MTMR4: variants seen among roughly 807,000 people sequenced by gnomAD.
The protein encoded by MTMR4 is myotubularin related protein 4.
MTMR4 carries 30 observed loss-of-function variants against 125.5 expected under a neutral mutation model. That is an observed-to-expected ratio of 0.24 (90% CI 0.18 to 0.32). The LOEUF (loss-of-function observed/expected upper bound fraction) is 0.32, where lower values mean the gene tolerates loss of function less well. Among genes scored for constraint, MTMR4 ranks in the 10% least tolerant of loss-of-function variants. The pLI is 1.00. For missense variants in MTMR4, 1,039 were observed against 1,511.5 expected, an observed-to-expected ratio of 0.69 and a Z score of 5.18; for synonymous variants, 498 against 564.5, an observed-to-expected ratio of 0.88 and a Z score of 1.67.
In MTMR4 at chr17:58,504,265, T is replaced by A; in HGVS notation, c.1527+38A>T. ...TGCACCTGGGGGCCTCGGGCTGTCA[T>A]TCCCCCCATCCCTGTTGTCACAGGC... On this transcript the variant is annotated intron_variant, in intron 12 of 17. Transcript: ENST00000682306. This position sits in a 1 kb window ranked among gnomAD's most constrained non-coding sequence, Gnocchi z 7.1. 6.2e-7 allele frequency: 1 copy of A among 1,604,526 alleles called. No homozygotes were observed. Among genetic ancestry groups the A allele is most frequent in the Non-Finnish European group, 8.5e-7 (1 of 1,172,126 alleles).
chr17:58,498,400 A>T (rs1439250552), intron 14 of MTMR4, among the ~76,000 whole-genome samples: 1 of 151,318 alleles, frequency 6.6e-6, no homozygotes, highest in African/African-American at 2.4e-5. Context: ...AAGGAGAGAG[A>T]GCTCATCCAG....
At chr17:58,516,826 AAGTC>A (rs1465690783), upstream of MTMR4, among the ~76,000 whole-genome samples, 1 of 152,252 alleles carries the variant, frequency 6.6e-6, no homozygotes, top group Non-Finnish European at 1.5e-5. Flanking sequence ...GCAGGGCATG[AAGTC>A]AGCCACGAAG....
At chr17:58,494,820 A>G in intron 15 of MTMR4, 112 bp downstream of exon 15, 1 of 929,430 alleles carries the variant, frequency 1.1e-6, no homozygotes, top group Admixed American at 2.6e-5. Context: ...CCTATAGCCC[A>G]GGCACCTAAC....
Position 58,512,569 on chromosome 17 carries a change from C to A in MTMR4, c.136-63G>T. ...GTGACCACCTTATCCTCTTCTACAG[C>A]CCCTGATCTGTGGGATCCCCTCTGG... On this transcript the variant is annotated intron_variant, in intron 2 of 17. Transcript: ENST00000682306. This position sits in a 1 kb window ranked among gnomAD's most constrained non-coding sequence, Gnocchi z 4.1. 1 of 1,331,988 alleles carries A rather than the reference C, an allele frequency of 7.5e-7. No homozygotes were observed. The highest frequency in any genetic ancestry group is 1.1e-6 in the Non-Finnish European group (1 of 927,926). The allele number at this position is 1,331,988 out of a possible 1,614,324, so 82.5% of individuals were successfully genotyped here. A position where few individuals can be genotyped will look rare whatever the true frequency, so the allele number is the denominator to read the frequency against.
rs748667031 is a variant in MTMR4 at position 58,505,517 on chromosome 17, A to C, written c.1100T>G (p.Phe367Cys). 1 of 1,613,230 alleles carries C rather than the reference A, an allele frequency of 6.2e-7. No individual in the cohort carries two copies. Among genetic ancestry groups the C allele is most frequent in the Middle Eastern group, 1.7e-4 (1 of 6,056 alleles). ...GCTACACACAGCCCGGAGGTACTGA[A>C]AGCTGTTCCGGATGGCATGGATGTT... ...MANIHAIRNSFQYLRAVCSQM... is the reference protein window; with the variant it reads ...MANIHAIRNSCQYLRAVCSQM... Residue 367 changes from phenylalanine (F) to cysteine (C), a missense_variant, in exon 10 of 18, where the codon TTT (phenylalanine) becomes TGT (cysteine). Phe to Cys is a radical substitution (Grantham distance 205, BLOSUM62 -2). This residue lies in a region of MTMR4 where 107 missense variants were observed against 267.4 expected (regional missense o/e 0.40). Transcript: ENST00000682306.
At position 58,508,327 on chromosome 17, in the gene MTMR4, C is replaced by A. The variant is rs1975830632; in HGVS notation, c.594-53G>T. ...GCACTGGGTCTAAAACATGTGATGA[C>A]AGGATCCCTGGGGATGGCTTTGTGG... is the stretch of plus-strand genomic sequence containing the variant. On this transcript the variant is annotated intron_variant, in intron 6 of 17. Coordinates refer to ENST00000682306, the MANE Select transcript of MTMR4 (RefSeq NM_001378067.1). The surrounding 1 kb of genome is among the most constrained non-coding windows in gnomAD (Gnocchi z 4.8). 1.3e-6 allele frequency: 2 copies of A among 1,575,762 alleles called. No individual in the cohort carries two copies. Among genetic ancestry groups the A allele is most frequent in the Non-Finnish European group, 1.7e-6 (2 of 1,145,494 alleles).
chr17:58,504,093 T>C lies in MTMR4; in HGVS notation c.1655A>G (p.Asn552Ser), dbSNP rs776436014. The C allele has an allele frequency of 2.1e-5, 33 of 1,585,546 alleles. No homozygotes were observed. The highest frequency in any genetic ancestry group is 5.4e-5 in the African/African-American group (4 of 73,440). The change falls in exon 13 of 18, where the codon AAT becomes AGT. Residue 552 changes from asparagine (N) to serine (S), a missense_variant. Around this residue, in one of 6 missense-constraint regions of MTMR4, gnomAD observed 619 missense variants for 714.5 expected, o/e 0.87. Transcript: ENST00000682306. The surrounding 1 kb of genome is among the most constrained non-coding windows in gnomAD (Gnocchi z 7.1). ...GTAGAGGAAGTTATGAAAGTTTTTA[T>C]TGCCAGCTCGAAGGAGCGCCCACAC... ...CSVWALLRAGNKNFHNFLYTP... is the reference protein window; with the variant it reads ...CSVWALLRAGSKNFHNFLYTP...
chr17:58,513,448 C>G (rs1350429621), intron 1 of MTMR4, among the ~76,000 whole-genome samples: 3 of 152,058 alleles, frequency 2.0e-5, no homozygotes, highest in Non-Finnish European at 4.4e-5. Context: ...TCCCACGCCT[C>G]TAGAGGGCCT....
At chr17:58,509,481 C>T (rs1012920161) in intron 4 of MTMR4, among the ~76,000 whole-genome samples, 5 of 149,200 alleles carry the variant, frequency 3.4e-5, no homozygotes, top group East Asian at 3.9e-4. Flanking sequence ...TGTAGTGGCA[C>T]GATCACAGCT....
Position 58,496,021 on chromosome 17 carries a change from G to A in MTMR4, c.2163C>T (p.Thr721=), listed in dbSNP as rs748294907. The stretch of plus-strand genomic sequence containing the variant: ...TGCTCTTCATTTCCCGAGGCACTGC[G>A]GTATTAAGCAGTTTGTAACTTGGAG... ...SCSPSYKLLN[T]AVPREMKSNT... is the part of the protein sequence containing the mutation. Residue 721 remains threonine (T), a synonymous_variant, in exon 15 of 18, where the codon ACC becomes ACT. Coordinates refer to ENST00000682306, the MANE Select transcript of MTMR4 (RefSeq NM_001378067.1). The A allele has an allele frequency of 3.3e-5, 54 of 1,613,890 alleles. No homozygotes were observed. Among genetic ancestry groups the A allele is most frequent in the East Asian group, 6.7e-5 (3 of 44,898 alleles).
Position 58,492,900 on chromosome 17 carries a change from T to C in MTMR4, c.3305A>G (p.His1102Arg), listed in dbSNP as rs377240751. The stretch of plus-strand genomic sequence containing the variant: ...TGCTTCTGAAAGGCAGTCTTCACTG[T>C]GATCAGAGCCAAAATCCTCAGTATC... Reference protein sequence around the residue: ...GSDTEDFGSDHSEDCLSEASW... With the variant: ...GSDTEDFGSDRSEDCLSEASW... Residue 1102 changes from histidine to arginine, a missense_variant, in exon 16 of 18, where the codon CAC becomes CGC. His to Arg is a conservative substitution (Grantham distance 29). Around this residue, in one of 6 missense-constraint regions of MTMR4, gnomAD observed 619 missense variants for 714.5 expected, o/e 0.87. Transcript: ENST00000682306. 15 of 1,614,260 alleles carry C rather than the reference T, an allele frequency of 9.3e-6. No homozygotes were observed. The highest frequency in any genetic ancestry group is 1.3e-5 in the African/African-American group (1 of 75,074).
chr17:58,494,354 G>A (rs1211713025), intron 15 of MTMR4, among the ~76,000 whole-genome samples: 3 of 149,822 alleles, frequency 2.0e-5, no homozygotes, highest in African/African-American at 7.3e-5. Context: ...GTACATTGTT[G>A]CAAGAGTCAT....
In MTMR4 at chr17:58,495,626, C is replaced by A. The variant is rs147089697; in HGVS notation, c.2558G>T (p.Gly853Val). The change falls in exon 15 of 18, where the codon GGG becomes GTG. Residue 853 changes from glycine to valine, a missense_variant. Around this residue, in one of 6 missense-constraint regions of MTMR4, gnomAD observed 619 missense variants for 714.5 expected, o/e 0.87. Coordinates refer to ENST00000682306, the MANE Select transcript of MTMR4 (RefSeq NM_001378067.1). Reference sequence around the variant, plus strand: ...CTGGTGGGAGATACTTGCCACAGACCCTGAGGGATCTTGGTTGAGGAAGTC... The same window carrying A: ...CTGGTGGGAGATACTTGCCACAGACACTGAGGGATCTTGGTTGAGGAAGTC... ...STDFLNQDPSGSVASISHQEQ... is the reference protein window; with the variant it reads ...STDFLNQDPSVSVASISHQEQ... 1.2e-6 allele frequency: 2 copies of A among 1,614,098 alleles called. No homozygotes were observed. The highest frequency in any genetic ancestry group is 1.7e-5 in the Admixed American group (1 of 60,014).
Position 58,507,324 on chromosome 17 carries a change from C to A in MTMR4, c.708-5G>T, listed in dbSNP as rs768316270. 1 of 1,610,962 alleles carries A rather than the reference C, an allele frequency of 6.2e-7. No homozygotes were observed. On this transcript the variant is annotated splice_region_variant and splice_polypyrimidine_tract_variant and intron_variant, in intron 7 of 17. Transcript: ENST00000682306. ...GCAGCCCCATTGCGCAAGTGTCTGA[C>A]AAAACAGAAGAAACCGTAATGCCCT...
intron 14 of MTMR4, among the ~76,000 whole-genome samples, chr17:58,498,974 C>T (rs898620262): frequency 1.3e-5 from 2 of 152,128 alleles, no homozygotes; most frequent in Admixed American, 1.3e-4. Flanking sequence ...AGGGACTCTT[C>T]CCCTCATATC....
rs1261753318 is a variant in MTMR4 at position 58,508,078 on chromosome 17, C to T, written c.707+83G>A. The T allele has an allele frequency of 1.0e-6, 1 of 1,002,920 alleles. No individual in the cohort carries two copies. Among genetic ancestry groups the T allele is most frequent in the Non-Finnish European group, 1.5e-6 (1 of 645,940 alleles). 62.1% of individuals were successfully genotyped at this position (1,002,920 alleles called of 1,614,324 possible). ...CATAGAGTGTCAATTCTCAGTCAACCAGGTTACCCAAAATCTCCAATTTTG... is the reference window on the plus strand; with the variant it reads ...CATAGAGTGTCAATTCTCAGTCAACTAGGTTACCCAAAATCTCCAATTTTG... On this transcript the variant is annotated intron_variant, in intron 7 of 17. Coordinates refer to ENST00000682306, the MANE Select transcript of MTMR4 (RefSeq NM_001378067.1). The surrounding 1 kb of genome is among the most constrained non-coding windows in gnomAD (Gnocchi z 4.8).
chr17:58,512,950 A>C lies in MTMR4; in HGVS notation c.46-9T>G. On this transcript the variant is annotated splice_polypyrimidine_tract_variant and intron_variant, in intron 1 of 17. Coordinates refer to ENST00000682306, the MANE Select transcript of MTMR4 (RefSeq NM_001378067.1). The surrounding 1 kb of genome is among the most constrained non-coding windows in gnomAD (Gnocchi z 4.1). ...GGGGGCCCCTCCTCACCCTGTAGGA[A>C]GGCCACAGTCCTAAGTCACCAAGCT... The C allele has an allele frequency of 6.2e-7, 1 of 1,606,300 alleles. No individual in the cohort carries two copies. Among genetic ancestry groups the C allele is most frequent in the Non-Finnish European group, 8.5e-7 (1 of 1,174,200 alleles).
At chr17:58,502,536 G>T (rs1222681429) in intron 14 of MTMR4, among the ~76,000 whole-genome samples, 4 of 151,358 alleles carry the variant, frequency 2.6e-5, no homozygotes, top group African/African-American at 9.7e-5. Context: ...AAAAAAAATG[G>T]AAATTACCTA....
chr17:58,494,601 T>C (rs1975403159), intron 15 of MTMR4, among the ~76,000 whole-genome samples: 1 of 152,042 alleles, frequency 6.6e-6, no homozygotes, highest in Admixed American at 6.6e-5. Flanking sequence ...ATCATTGGAG[T>C]ATCTATTGCC....
Sources: allele counts gnomAD v4.1 joint callset (sites outside exome capture counted in the v4.1 genomes callset), GRCh38; gene constraint gnomAD v4.1.1; regional missense constraint gnomAD v4.1.1; non-coding constraint Gnocchi (gnomAD v3.1); transcripts MANE v1.5; gene names NCBI Gene and HGNC (gene_info 2026-07-23, HGNC 2026-07-21).